The following NFIB variants were observed in gnomAD, a reference collection of about 807,000 sequenced individuals.
The protein encoded by NFIB is nuclear factor I B.
A neutral mutation model predicts 61.5 loss-of-function variants in NFIB; 11 were observed. The observed-to-expected ratio is 0.18, with a 90% CI of 0.11 to 0.30. The LOEUF (loss-of-function observed/expected upper bound fraction) is 0.30. Ranked by LOEUF, NFIB falls within the 10% of genes least tolerant of loss-of-function variation. The pLI is 1.00. For missense variants in NFIB, 471 were observed against 608.9 expected (o/e 0.77, Z 2.38); for synonymous variants, 260 against 216.5 (o/e 1.20, Z -1.76).
intron 1 of NFIB, among the ~76,000 whole-genome samples, chr9:14,336,065 T>C (rs2060882900): frequency 6.6e-6 from 1 of 152,232 alleles, no homozygotes; most frequent in South Asian, 2.1e-4. Context: ...CTGTCTTAGT[T>C]ACCATTGTGT....
chr9:14,115,292 G>GA (rs35048361), intron 9 of NFIB, among the ~76,000 whole-genome samples: 75,233 of 148,712 alleles, frequency 0.51, 21,045 homozygotes, highest in African/African-American at 0.75. Flanking sequence ...CTCTAAGAAA[G>GA]AAAAAAAAAA....
At chr9:14,408,654 A>G in the NFIB span, among the ~76,000 whole-genome samples, 7 of 152,238 alleles carry the variant, frequency 4.6e-5, no homozygotes, top group African/African-American at 1.7e-4. Context: ...GGTCATGGGT[A>G]CAACGAAAGT....
At chr9:14,254,080 T>C (rs1159866100) in intron 2 of NFIB, among the ~76,000 whole-genome samples, 1 of 152,152 alleles carries the variant, frequency 6.6e-6, no homozygotes. Context: ...GGCAAGCAGA[T>C]AACTTGAGGC....
intron 2 of NFIB, among the ~76,000 whole-genome samples, chr9:14,261,834 A>C (rs1172135287): frequency 6.6e-6 from 1 of 152,158 alleles, no homozygotes; most frequent in African/African-American, 2.4e-5. Flanking sequence ...GAGCTCAGTT[A>C]ATGGAAATTC....
chr9:14,142,744 G>A (rs1014615839), intron 6 of NFIB, among the ~76,000 whole-genome samples: 1 of 152,022 alleles, frequency 6.6e-6, no homozygotes, highest in African/African-American at 2.4e-5. Flanking sequence ...AGTCTAATCT[G>A]GTTCTATTCA....
intron 3 of NFIB, among the ~76,000 whole-genome samples, chr9:14,163,974 A>G (rs1271406394): frequency 1.3e-5 from 2 of 151,890 alleles, no homozygotes; most frequent in African/African-American, 4.8e-5. Context: ...GGGAAATTAT[A>G]AACTATCTAA....
the NFIB span, among the ~76,000 whole-genome samples, chr9:14,450,921 T>C: frequency 3.3e-5 from 5 of 152,370 alleles, no homozygotes; most frequent in South Asian, 6.2e-4. Flanking sequence ...ACAGACATTG[T>C]CTGTCATGCT....
At position 14,313,592 on chromosome 9, in the gene NFIB, G is replaced by A; in HGVS notation, c.-81C>T. 4.4e-6 allele frequency: 7 copies of A among 1,609,180 alleles called. No individual in the cohort carries two copies. The South Asian group carries it at 7.7e-5, about 18-fold the overall frequency. ...AAGAATTTCATCTATTCATTTTACA[G>A]TCATCTGAGCCCCGCGATGCGATCA... On this transcript the variant is annotated 5_prime_UTR_variant, in exon 1 of 11. Transcript: ENST00000380953. This position sits in a 1 kb window ranked among gnomAD's most constrained non-coding sequence, Gnocchi z 4.5.
At chr9:14,134,354 G>A (rs943831578) in intron 6 of NFIB, among the ~76,000 whole-genome samples, 6 of 152,160 alleles carry the variant, frequency 3.9e-5, no homozygotes, top group East Asian at 1.9e-4. Flanking sequence ...ATTTATTCCC[G>A]TAGCAAAATT....
chr9:14,271,749 T>C (rs577983595), intron 2 of NFIB, among the ~76,000 whole-genome samples: 82 of 152,264 alleles, frequency 5.4e-4, no homozygotes, highest in African/African-American at 1.7e-3. Flanking sequence ...CACTGTAAGG[T>C]TGAATAATAA....
the NFIB span, among the ~76,000 whole-genome samples, chr9:14,447,622 T>G: frequency 6.6e-6 from 1 of 152,176 alleles, no homozygotes; most frequent in Non-Finnish European, 1.5e-5. Context: ...AAAAGCAGTA[T>G]ATTTTCTTTG....
intron 1 of NFIB, among the ~76,000 whole-genome samples, chr9:14,365,643 C>T (rs770337645): frequency 2.0e-5 from 3 of 152,226 alleles, no homozygotes; most frequent in Non-Finnish European, 4.4e-5. Context: ...CCTTCTAAGA[C>T]TGGCTGGATT....
At chr9:14,277,344 GACACACAC>G (rs33999296) in intron 2 of NFIB, among the ~76,000 whole-genome samples, 3 of 149,266 alleles carry the variant, frequency 2.0e-5, no homozygotes, top group Admixed American at 6.7e-5. Flanking sequence ...CGCACACACA[GACACACAC>G]ACACACACAC....
the NFIB span, among the ~76,000 whole-genome samples, chr9:14,508,337 C>T: frequency 1.3e-5 from 2 of 152,130 alleles, no homozygotes; most frequent in East Asian, 1.9e-4. Context: ...GCCTAGATGC[C>T]CCTCTTTCAT....
chr9:14,334,790 G>A (rs2060866005), intron 1 of NFIB, among the ~76,000 whole-genome samples: 1 of 152,088 alleles, frequency 6.6e-6, no homozygotes, highest in Admixed American at 6.6e-5. Context: ...ATCAAGATAG[G>A]CAACATTTCT....
intron 1 of NFIB, among the ~76,000 whole-genome samples, chr9:14,327,973 C>T (rs973099691): frequency 6.6e-6 from 1 of 152,162 alleles, no homozygotes; most frequent in African/African-American, 2.4e-5. Flanking sequence ...AATTCAGGCA[C>T]ATAGAATTTA....
At chr9:14,367,403 C>T (rs1474585909) in intron 1 of NFIB, among the ~76,000 whole-genome samples, 2 of 151,842 alleles carry the variant, frequency 1.3e-5, no homozygotes, top group East Asian at 2.0e-4. Context: ...CTGGGGAAGA[C>T]ATGCCAAGCA....
At chr9:14,287,331 T>C (rs1563977438) in intron 2 of NFIB, among the ~76,000 whole-genome samples, 1 of 126,270 alleles carries the variant, frequency 7.9e-6, no homozygotes, top group Non-Finnish European at 1.7e-5. Flanking sequence ...CTAGGGAGGC[T>C]GAGGCAGGAG....
the NFIB span, among the ~76,000 whole-genome samples, chr9:14,465,098 G>A: frequency 6.6e-6 from 1 of 152,158 alleles, no homozygotes; most frequent in Admixed American, 6.5e-5. Flanking sequence ...GATGTGCTTT[G>A]CAAAGGCTTC....
Sources: gnomAD v4.1 joint callset for allele counts (sites outside exome capture counted in the v4.1 genomes callset) on GRCh38, gnomAD v4.1.1 for gene constraint, Gnocchi (gnomAD v3.1) non-coding constraint, MANE v1.5 for transcripts, NCBI Gene and HGNC (gene_info 2026-07-23, HGNC 2026-07-21) for gene names.